ARG2: variants seen among roughly 807,000 people sequenced by gnomAD.
ARG2 encodes the protein arginase-2, mitochondrial.
In ARG2, 21 loss-of-function variants were observed where a neutral mutation model predicts 39.4. The observed-to-expected ratio is 0.53, with a 90% CI of 0.38 to 0.77. The LOEUF (loss-of-function observed/expected upper bound fraction) is 0.77, where lower values mean the gene tolerates loss of function less well. ARG2 is among the 30% of genes least tolerant of loss of function. The pLI is 0.00. For synonymous variants in ARG2, 150 were observed against 156.7 expected (o/e 0.96, Z 0.32); for missense variants, 378 against 426.2 (o/e 0.89, Z 1.00).
chr14:67,627,445 T>A (rs1177940630), intron 2 of ARG2, among the ~76,000 whole-genome samples: 1 of 152,138 alleles, frequency 6.6e-6, no homozygotes, highest in Non-Finnish European at 1.5e-5. Flanking sequence ...TAGATATCCA[T>A]CTTTTCAAGC....
Position 67,651,432 on chromosome 14 carries a change from C to G in ARG2, c.*512C>G, listed in dbSNP as rs780495647. The G allele has an allele frequency of 6.2e-7, 1 of 1,613,816 alleles. No homozygotes were observed. Among genetic ancestry groups the G allele is most frequent in the African/African-American group, 1.3e-5 (1 of 74,932 alleles). ...TAGTAAACCAGGCCTCCCAGGATGG[C>G]GAGCTCCAGTAAGATGATAATGGAA... is the stretch of plus-strand genomic sequence containing the variant. On this transcript the variant is annotated 3_prime_UTR_variant, in exon 8 of 8. Coordinates refer to ENST00000261783, the MANE Select transcript of ARG2 (RefSeq NM_001172.4).
At position 67,645,156 on chromosome 14, in the gene ARG2, CTG is replaced by C. The variant is rs940514442; in HGVS notation, c.363-485_363-484del. Among the ~76,000 whole-genome samples the C allele has an allele frequency of 3.3e-5, 5 of 151,916 alleles. No homozygotes were observed. In the South Asian group the frequency reaches 8.3e-4, roughly 25 times the overall value. On this transcript the variant is annotated intron_variant, in intron 3 of 7. Coordinates refer to ENST00000261783, the MANE Select transcript of ARG2 (RefSeq NM_001172.4). ...ATTTTGGTGAGTCGTTACCTATAGA[CTG>C]TACCATTTACCTAGATTTCTTTTTT...
At chr14:67,638,272 C>G (rs886398003) in intron 2 of ARG2, among the ~76,000 whole-genome samples, 3 of 151,976 alleles carry the variant, frequency 2.0e-5, no homozygotes, top group African/African-American at 7.3e-5. Flanking sequence ...ATCTGTAATC[C>G]TAGCACTTTA....
At chr14:67,642,793 CTTTTTTTTTTT>C (rs869215946) in intron 3 of ARG2, among the ~76,000 whole-genome samples, 4 of 75,518 alleles carry the variant, frequency 5.3e-5, no homozygotes, top group South Asian at 6.3e-4. Context: ...ACTACATTTT[CTTTTTTTTTTT>C]TTTTTTTTTT....
At chr14:67,633,276 T>C (rs772429291) in intron 2 of ARG2, among the ~76,000 whole-genome samples, 5 of 152,218 alleles carry the variant, frequency 3.3e-5, no homozygotes, top group Non-Finnish European at 5.9e-5. Flanking sequence ...TCTCTTTTTT[T>C]TTCTTCTTTG....
chr14:67,648,059 A>T lies in ARG2; in HGVS notation c.735A>T (p.Pro245=). 1.2e-6 allele frequency: 2 copies of T among 1,612,322 alleles called. No homozygotes were observed. Among genetic ancestry groups the T allele is most frequent in the Non-Finnish European group, 1.7e-6 (2 of 1,178,922 alleles). Residue 245 remains proline (P), a synonymous_variant, in exon 7 of 8, where the codon CCA becomes CCT. Transcript: ENST00000261783. ...FDLLIGKRQR[P]IHLSFDIDAF... Reference sequence around the variant, plus strand: ...TCTTCCTTTTTAGGAGACAAAGACCAATCCATTTGAGTTTTGATATTGATG... The same window carrying T: ...TCTTCCTTTTTAGGAGACAAAGACCTATCCATTTGAGTTTTGATATTGATG...
At chr14:67,621,865 G>A (rs1003744663) in intron 2 of ARG2, among the ~76,000 whole-genome samples, 1 of 151,444 alleles carries the variant, frequency 6.6e-6, no homozygotes, top group Non-Finnish European at 1.5e-5. Flanking sequence ...GGGAGGCCAA[G>A]GTGGGTGGAT....
chr14:67,645,582 GT>G, intron 3 of ARG2, 60 bp from the exon 4 acceptor site: 1 of 1,562,626 alleles, frequency 6.4e-7, no homozygotes, highest in Non-Finnish European at 8.7e-7. Flanking sequence ...GGCTGAGGAC[GT>G]TTGTTATCGG....
intron 2 of ARG2, among the ~76,000 whole-genome samples, chr14:67,639,476 CT>C (rs2037007398): frequency 6.6e-6 from 1 of 152,002 alleles, no homozygotes; most frequent in Non-Finnish European, 1.5e-5. Flanking sequence ...GATTATAAAT[CT>C]TTTATAATTG....
At chr14:67,624,315 A>G (rs775678156) in intron 2 of ARG2, among the ~76,000 whole-genome samples, 2 of 152,220 alleles carry the variant, frequency 1.3e-5, no homozygotes, top group Non-Finnish European at 2.9e-5. Flanking sequence ...ACCATTGAAA[A>G]TGGTGGCATA....
At chr14:67,622,494 CCTCT>C (rs1364701788) in intron 2 of ARG2, among the ~76,000 whole-genome samples, 1 of 152,158 alleles carries the variant, frequency 6.6e-6, no homozygotes, top group Non-Finnish European at 1.5e-5. Flanking sequence ...TTTACTAAGG[CCTCT>C]CTTAGTCATT....
chr14:67,650,001 C>T (rs2037151248), intron 7 of ARG2: 1 of 152,330 alleles, frequency 6.6e-6, no homozygotes, highest in Middle Eastern at 3.4e-3. Flanking sequence ...GGAACACTAC[C>T]GAGAACTTTG....
Position 67,629,444 on chromosome 14 carries a change from C to G in ARG2, c.184+8478C>G, listed in dbSNP as rs555530538. ...TAAGCCAGTGACAAAAGGACAAATACAGCATGATTCCATTTATATGAAGTT... is the reference window on the plus strand; with the variant it reads ...TAAGCCAGTGACAAAAGGACAAATAGAGCATGATTCCATTTATATGAAGTT... On this transcript the variant is annotated intron_variant, in intron 2 of 7. Transcript: ENST00000261783. Among the ~76,000 whole-genome samples, 33 of 152,312 alleles carry G rather than the reference C, an allele frequency of 2.2e-4. No homozygotes were observed. In the South Asian group the frequency reaches 6.6e-3, roughly 31 times the overall value.
At chr14:67,629,200 G>A (rs1200166496) in intron 2 of ARG2, among the ~76,000 whole-genome samples, 1 of 152,122 alleles carries the variant, frequency 6.6e-6, no homozygotes, top group Non-Finnish European at 1.5e-5. Flanking sequence ...GCCAGGTGTG[G>A]TGGTGCATGC....
At chr14:67,638,719 A>C (rs1359380428) in intron 2 of ARG2, among the ~76,000 whole-genome samples, 1 of 152,230 alleles carries the variant, frequency 6.6e-6, no homozygotes. Context: ...TCAAGGTATA[A>C]ATCCCTTTAG....
At position 67,651,038 on chromosome 14, in the gene ARG2, A is replaced by G; in HGVS notation, c.*118A>G. The G allele has an allele frequency of 8.9e-7, 1 of 1,129,564 alleles. No homozygotes were observed. The highest frequency in any genetic ancestry group is 1.3e-6 in the Non-Finnish European group (1 of 789,090). The allele number at this position is 1,129,564 out of a possible 1,614,324, so 70.0% of individuals were successfully genotyped here. ...ATACTGCCTTAATGAGAACATTTAC[A>G]CATTCTCACAATTGTAAAGTTTCCC... On this transcript the variant is annotated 3_prime_UTR_variant, in exon 8 of 8. Coordinates refer to ENST00000261783, the MANE Select transcript of ARG2 (RefSeq NM_001172.4).
chr14:67,645,670 T>C lies in ARG2; in HGVS notation c.390T>C (p.His130=). The C allele has an allele frequency of 1.9e-6, 3 of 1,613,934 alleles. No individual in the cohort carries two copies. The highest frequency in any genetic ancestry group is 2.2e-5 in the South Asian group (2 of 91,058). ...HSLAIGTISG[H]ARHCPDLCVV... ...TGGCAATCGGTACCATTAGTGGCCA[T>C]GCCCGACACTGCCCAGACCTTTGTG... The change falls in exon 4 of 8, where the codon CAT becomes CAC. Residue 130 remains histidine, a synonymous_variant. Transcript: ENST00000261783.
In ARG2 at chr14:67,620,043, C is replaced by T. The variant is rs2140698216; in HGVS notation, c.66C>T (p.Ser22=). 3 of 1,611,806 alleles carry T rather than the reference C, an allele frequency of 1.9e-6. No individual in the cohort carries two copies. Among genetic ancestry groups the T allele is most frequent in the Non-Finnish European group, 2.5e-6 (3 of 1,179,058 alleles). Reference sequence around the variant, plus strand: ...GAGTGCATTCCATCCTGAAGAAATCCGTCCACTCCGTGGCTGTGATAGGAG... The same window carrying T: ...GAGTGCATTCCATCCTGAAGAAATCTGTCCACTCCGTGGCTGTGATAGGAG... ...QTRVHSILKK[S]VHSVAVIGAP... The change falls in exon 1 of 8, where the codon TCC becomes TCT. Residue 22 remains serine, a synonymous_variant. Transcript: ENST00000261783.
rs1199887158 is a variant in ARG2 at position 67,648,150 on chromosome 14, G to A, written c.826G>A (p.Gly276Ser). Reference protein sequence around the residue: ...PVVGGLTYREGMYIAEEIHNT... With the variant: ...PVVGGLTYRESMYIAEEIHNT... ...TGTCGGGGGACTAACCTATCGAGAAGGCATGTATATTGCTGAGGAAATACA... is the reference window on the plus strand; with the variant it reads ...TGTCGGGGGACTAACCTATCGAGAAAGCATGTATATTGCTGAGGAAATACA... The change falls in exon 7 of 8, where the codon GGC becomes AGC. Residue 276 changes from glycine (G) to serine (S), a missense_variant. By Grantham distance (56) the Gly-to-Ser change is moderately conservative. Transcript: ENST00000261783. The A allele has an allele frequency of 2.5e-6, 4 of 1,614,020 alleles. No individual in the cohort carries two copies. The South Asian group carries it at 4.4e-5, about 18-fold the overall frequency.
Sources: allele counts gnomAD v4.1 joint callset (sites outside exome capture counted in the v4.1 genomes callset), GRCh38; gene constraint gnomAD v4.1.1; transcripts MANE v1.5; gene names NCBI Gene and HGNC (gene_info 2026-07-23, HGNC 2026-07-21).